The following SNX6 variants were observed in gnomAD, a reference collection of about 807,000 sequenced individuals.
SNX6 encodes sorting nexin-6.
A neutral mutation model predicts 63.0 loss-of-function variants in SNX6; 34 were observed. The observed-to-expected ratio is 0.54, with a 90% CI of 0.41 to 0.72. The LOEUF is 0.72. Ranked by LOEUF, SNX6 falls within the 30% of genes least tolerant of loss-of-function variation. The pLI is 0.00. For synonymous variants in SNX6, 170 were observed against 164.2 expected (o/e 1.04, Z -0.27); for missense variants, 398 against 471.4 (o/e 0.84, Z 1.44).
intron 4 of SNX6, among the ~76,000 whole-genome samples, chr14:34,606,112 T>C (rs1883004879): frequency 6.6e-6 from 1 of 151,402 alleles, no homozygotes; most frequent in South Asian, 2.1e-4. Context: ...AGTCGGAGGT[T>C]GCAGTGAGCC....
In SNX6 at chr14:34,630,148, C is replaced by A; in HGVS notation, c.-32G>T. On this transcript the variant is annotated 5_prime_UTR_variant, in exon 1 of 14. Coordinates refer to ENST00000362031, the MANE Select transcript of SNX6 (RefSeq NM_152233.4). ...TCCGAGGCGAGGGCCGGCGCAGGCG[C>A]GCATCTCCCTGCTGCCGGAGGGAGC... 1 of 1,296,102 alleles carries A rather than the reference C, an allele frequency of 7.7e-7. No homozygotes were observed. The highest frequency in any genetic ancestry group is 9.7e-7 in the Non-Finnish European group (1 of 1,027,082). The allele number at this position is 1,296,102 out of a possible 1,614,324, so 80.3% of individuals were successfully genotyped here.
intron 2 of SNX6, among the ~76,000 whole-genome samples, chr14:34,618,902 ATACTT>A (rs912330451): frequency 2.6e-5 from 4 of 152,110 alleles, no homozygotes; most frequent in African/African-American, 4.8e-5. Context: ...AAAACCTAAT[ATACTT>A]TACTTTTTAA....
chr14:34,618,063 T>C (rs974476215), intron 2 of SNX6, among the ~76,000 whole-genome samples: 6 of 151,956 alleles, frequency 3.9e-5, no homozygotes, highest in African/African-American at 1.4e-4. Context: ...GATGGATGAG[T>C]GGATGGGATG....
intron 2 of SNX6, among the ~76,000 whole-genome samples, chr14:34,617,310 A>C (rs1883453352): frequency 6.6e-6 from 1 of 152,162 alleles, no homozygotes; most frequent in South Asian, 2.1e-4. Context: ...AACAATTTAA[A>C]GACTCTGACC....
At chr14:34,591,946 T>A (rs1475837785) in intron 8 of SNX6, among the ~76,000 whole-genome samples, 5 of 152,222 alleles carry the variant, frequency 3.3e-5, no homozygotes, top group Admixed American at 2.6e-4. Flanking sequence ...TAGAGAACCA[T>A]CATACTTGAG....
At chr14:34,578,997 G>C (rs1594705216) in intron 10 of SNX6, among the ~76,000 whole-genome samples, 1 of 89,710 alleles carries the variant, frequency 1.1e-5, no homozygotes, top group Non-Finnish European at 2.4e-5. Flanking sequence ...ACACCTACCA[G>C]AATGACAAAA....
At chr14:34,575,897 TGG>T in intron 10 of SNX6, 55 bp from the exon 11 acceptor site, 1 of 1,025,104 alleles carries the variant, frequency 9.8e-7, no homozygotes, top group Admixed American at 2.4e-5. Context: ...CTCCTCTCAG[TGG>T]TTTCCTTCTT....
chr14:34,623,282 AC>A (rs1883697207), intron 2 of SNX6, among the ~76,000 whole-genome samples: 1 of 152,138 alleles, frequency 6.6e-6, no homozygotes, highest in Non-Finnish European at 1.5e-5. Context: ...GGGAAAAAAA[AC>A]ACTGAAATGC....
chr14:34,608,187 A>C lies in SNX6; in HGVS notation c.160-47T>G, dbSNP rs766213457. The C allele has an allele frequency of 4.2e-6, 5 of 1,182,138 alleles. No homozygotes were observed. The Admixed American group carries it at 8.1e-5, about 19-fold the overall frequency. The allele number at this position is 1,182,138 out of a possible 1,614,324, so 73.2% of individuals were successfully genotyped here. On this transcript the variant is annotated intron_variant, in intron 3 of 13. Transcript: ENST00000362031. ...TGAATAAAAATCAAATTTACACTAA[A>C]AAGTTTTTTGAAACTGGGTCTTGCT...
intron 2 of SNX6, among the ~76,000 whole-genome samples, chr14:34,616,568 G>C (rs558528057): frequency 8.5e-5 from 13 of 152,142 alleles, no homozygotes; most frequent in Admixed American, 5.9e-4. Context: ...ATGTTGCCCA[G>C]GCTGGTCTTG....
intron 2 of SNX6, among the ~76,000 whole-genome samples, chr14:34,627,671 G>A (rs572113083): frequency 6.6e-6 from 1 of 152,164 alleles, no homozygotes; most frequent in East Asian, 2.0e-4. Flanking sequence ...TGTATTTTTA[G>A]TAGAGACAGG....
At chr14:34,596,218 A>G (rs1031370922) in intron 7 of SNX6, among the ~76,000 whole-genome samples, 10 of 142,296 alleles carry the variant, frequency 7.0e-5, no homozygotes, top group African/African-American at 2.3e-4. Context: ...TTCTGTCTCC[A>G]AAAAAAAAAA....
At chr14:34,591,549 G>A (rs1372013611) in intron 8 of SNX6, among the ~76,000 whole-genome samples, 1 of 151,852 alleles carries the variant, frequency 6.6e-6, no homozygotes, top group Admixed American at 6.6e-5. Context: ...GCAGTGAGAC[G>A]AGATCGTACC....
chr14:34,593,674 T>C (rs2138322573), intron 7 of SNX6, among the ~76,000 whole-genome samples: 1 of 151,250 alleles, frequency 6.6e-6, no homozygotes, highest in South Asian at 2.1e-4. Context: ...TGGGTTCAAG[T>C]GATTCTCCTG....
rs538603558 is a variant in SNX6 at position 34,595,915 on chromosome 14, T to C, written c.612+1635A>G. Among the ~76,000 whole-genome samples, 600 of 152,262 alleles carry C rather than the reference T, an allele frequency of 3.9e-3. 3 individuals carry two copies. The highest frequency in any genetic ancestry group is 6.8e-3 in the Non-Finnish European group (465 of 68,014). On this transcript the variant is annotated intron_variant, in intron 7 of 13. Transcript: ENST00000362031. ...CTCTTATACCATTTTTAGAACATCA[T>C]TAAGAAAAGTATAGGTGTTTTCGGC...
At chr14:34,575,625 T>G in intron 11 of SNX6, 131 bp downstream of exon 11, 1 of 451,174 alleles carries the variant, frequency 2.2e-6, no homozygotes, top group South Asian at 2.9e-5. Context: ...AAAGGAGAAA[T>G]AGAATTCATA....
chr14:34,629,423 T>A (rs755254931), intron 2 of SNX6: 1 of 456,056 alleles, frequency 2.2e-6, no homozygotes, highest in South Asian at 1.5e-5. Flanking sequence ...TCGGCTACTA[T>A]AAAAATCCTT....
intron 5 of SNX6, chr14:34,604,106 T>C: frequency 8.4e-7 from 1 of 1,195,240 alleles, no homozygotes; most frequent in Non-Finnish European, 1.1e-6. Flanking sequence ...TTGCTTCAAC[T>C]ACGTGCAAGA....
Position 34,608,135 on chromosome 14 carries a change from T to C in SNX6, c.165A>G (p.Ser55=), listed in dbSNP as rs746263408. The C allele has an allele frequency of 1.2e-5, 19 of 1,570,870 alleles. No homozygotes were observed. The Admixed American group carries it at 1.3e-4, about 10-fold the overall frequency. The change falls in exon 4 of 14, where the codon TCA becomes TCG. Residue 55 remains serine (S), a synonymous_variant. Transcript: ENST00000362031. The stretch of plus-strand genomic sequence containing the variant: ...ACTCGTTTTGTTTAAAATTTGGCAA[T>C]GAACTCTGTAAAGATAGAGATTTTC... ...KVKFTVHTKS[S]LPNFKQNEFS... is the part of the protein sequence containing the mutation.
Sources: gnomAD v4.1 joint callset for allele counts (sites outside exome capture counted in the v4.1 genomes callset) on GRCh38, gnomAD v4.1.1 for gene constraint, MANE v1.5 for transcripts, NCBI Gene and HGNC (gene_info 2026-07-23, HGNC 2026-07-21) for gene names.